Variants in FANK1 observed in about 807,000 individuals in gnomAD.
FANK1 encodes the protein fibronectin type III and ankyrin repeat domains 1.
FANK1 carries 44 observed loss-of-function variants against 45.3 expected under a neutral mutation model. That is an observed-to-expected ratio of 0.97 (90% CI 0.76 to 1.25). The LOEUF (loss-of-function observed/expected upper bound fraction) is 1.25. Ranked by LOEUF, FANK1 falls within the 50% of genes most tolerant of loss-of-function variation. The pLI, the probability that FANK1 is intolerant of heterozygous loss-of-function variation, is 0.00. For synonymous variants in FANK1, 149 were observed against 152.5 expected (o/e 0.98, Z 0.17); for missense variants, 391 against 424.4 (o/e 0.92, Z 0.69).
chr10:125,932,663 G>A (rs978403079), intron 1 of FANK1, among the ~76,000 whole-genome samples: 2 of 152,114 alleles, frequency 1.3e-5, no homozygotes, highest in Non-Finnish European at 2.9e-5. Context: ...ATCAGCAAAC[G>A]ATAACAGTTT....
intron 1 of FANK1, among the ~76,000 whole-genome samples, chr10:125,971,833 AG>A (rs1426995997): frequency 6.6e-6 from 1 of 152,108 alleles, no homozygotes; most frequent in Non-Finnish European, 1.5e-5. Context: ...CATGTTAGCC[AG>A]GATGGTCTCG....
intron 1 of FANK1, among the ~76,000 whole-genome samples, chr10:125,940,873 G>C (rs890295196): frequency 1.3e-5 from 2 of 152,190 alleles, no homozygotes; most frequent in African/African-American, 4.8e-5. Flanking sequence ...TTGTTAACAA[G>C]GCACATCCTG....
At chr10:125,936,830 G>T (rs1042875203) in intron 1 of FANK1, among the ~76,000 whole-genome samples, 2 of 152,130 alleles carry the variant, frequency 1.3e-5, no homozygotes, top group Non-Finnish European at 2.9e-5. Flanking sequence ...CACTTAGGGA[G>T]GCTGAGGTGG....
At chr10:125,912,042 TA>T (rs1946056147) in intron 1 of FANK1, among the ~76,000 whole-genome samples, 1 of 152,202 alleles carries the variant, frequency 6.6e-6, no homozygotes, top group African/African-American at 2.4e-5. Flanking sequence ...CTAATCACAA[TA>T]ATTGACTAGT....
intron 5 of FANK1, among the ~76,000 whole-genome samples, chr10:125,997,167 A>C (rs1952396370): frequency 6.6e-6 from 1 of 152,194 alleles, no homozygotes; most frequent in Admixed American, 6.5e-5. Flanking sequence ...TGGTAGCCCG[A>C]TTTGTTTCAT....
chr10:125,899,789 CAT>C (rs1944885893), intron 1 of FANK1, among the ~76,000 whole-genome samples: 2 of 152,184 alleles, frequency 1.3e-5, no homozygotes, highest in Admixed American at 1.3e-4. Flanking sequence ...TATTATCTAA[CAT>C]ATTTTAAACC....
intron 1 of FANK1, among the ~76,000 whole-genome samples, chr10:125,902,537 C>G (rs1311249926): frequency 6.6e-6 from 1 of 152,186 alleles, no homozygotes; most frequent in African/African-American, 2.4e-5. Context: ...ATTTGAAGTG[C>G]CTCTTGTGGA....
At chr10:125,969,728 CAT>C (rs1053004859) in intron 1 of FANK1, among the ~76,000 whole-genome samples, 2 of 152,008 alleles carry the variant, frequency 1.3e-5, no homozygotes, top group African/African-American at 4.8e-5. Context: ...AGCAGATAAA[CAT>C]GTGAACAAAG....
At chr10:125,898,575 T>C (rs1944769539) in intron 1 of FANK1, among the ~76,000 whole-genome samples, 1 of 151,872 alleles carries the variant, frequency 6.6e-6, no homozygotes, top group African/African-American at 2.4e-5. Context: ...GCAGCGTGGG[T>C]TTGAGGCTCA....
At chr10:125,905,685 T>C (rs570444478) in intron 1 of FANK1, among the ~76,000 whole-genome samples, 138 of 152,268 alleles carry the variant, frequency 9.1e-4, no homozygotes, top group African/African-American at 3.2e-3. Flanking sequence ...GGGAGATAAC[T>C]CCCCCCTCTT....
intron 1 of FANK1, among the ~76,000 whole-genome samples, chr10:125,904,338 C>T (rs550268487): frequency 9.5e-4 from 144 of 152,262 alleles, no homozygotes; most frequent in African/African-American, 2.4e-3. Flanking sequence ...AAATAGAATC[C>T]ATAATTTAAA....
intron 1 of FANK1, among the ~76,000 whole-genome samples, chr10:125,901,505 C>CG (rs1330984382): frequency 1.9e-4 from 29 of 152,264 alleles, no homozygotes; most frequent in African/African-American, 6.5e-4. Flanking sequence ...AAAGTCCTTA[C>CG]GTTGATCTAG....
intron 1 of FANK1, among the ~76,000 whole-genome samples, chr10:125,947,766 A>T (rs1948916650): frequency 7.3e-6 from 1 of 137,712 alleles, no homozygotes; most frequent in Non-Finnish European, 1.6e-5. Context: ...AAGTGGACCT[A>T]ATAGACATCT....
intron 1 of FANK1, among the ~76,000 whole-genome samples, chr10:125,970,366 G>A (rs572908082): frequency 5.5e-4 from 83 of 152,060 alleles, no homozygotes; most frequent in African/African-American, 1.9e-3. Context: ...GGGCAGAGGC[G>A]CTCCCCACAT....
intron 1 of FANK1, among the ~76,000 whole-genome samples, chr10:125,904,054 CTCTT>C (rs1434248451): frequency 6.6e-6 from 1 of 151,984 alleles, no homozygotes; most frequent in East Asian, 1.9e-4. Flanking sequence ...ACTGGAGTCT[CTCTT>C]TGTTCCCCAG....
intron 6 of FANK1, chr10:126,004,123 T>TC (rs1238502074): frequency 1.4e-5 from 2 of 138,678 alleles, no homozygotes; most frequent in East Asian, 4.2e-4. Flanking sequence ...AAAAACAGCT[T>TC]CCCCCCACCA....
At chr10:125,942,548 A>G (rs1948518020) in intron 1 of FANK1, among the ~76,000 whole-genome samples, 1 of 152,246 alleles carries the variant, frequency 6.6e-6, no homozygotes, top group Admixed American at 6.5e-5. Flanking sequence ...AGAATACAAA[A>G]TTAAGAAAAC....
chr10:125,913,811 G>A (rs1946228534), intron 1 of FANK1, among the ~76,000 whole-genome samples: 1 of 152,176 alleles, frequency 6.6e-6, no homozygotes, highest in African/African-American at 2.4e-5. Context: ...AAGATTAAAT[G>A]CAGTGCTGTG....
chr10:125,984,318 T>A (rs1188152579), intron 2 of FANK1, among the ~76,000 whole-genome samples: 2 of 152,200 alleles, frequency 1.3e-5, no homozygotes, highest in African/African-American at 4.8e-5. Flanking sequence ...TCTTGAAGCT[T>A]CTGCCCAGAA....
Sources: gnomAD v4.1 joint callset for allele counts (sites outside exome capture counted in the v4.1 genomes callset) on GRCh38, gnomAD v4.1.1 for gene constraint, MANE v1.5 for transcripts, NCBI Gene and HGNC (gene_info 2026-07-23, HGNC 2026-07-21) for gene names.